The following KAT6B variants were observed in gnomAD, a reference collection of about 807,000 sequenced individuals.
KAT6B encodes histone acetyltransferase KAT6B.
In KAT6B, 10 loss-of-function variants were observed where a neutral mutation model predicts 187.5. That is an observed-to-expected ratio of 0.05 (90% CI 0.03 to 0.09). KAT6B has a LOEUF of 0.09. KAT6B is among the 10% of genes least tolerant of loss of function. The pLI is 1.00. For missense variants in KAT6B, 1,952 were observed against 2,558.9 expected (o/e 0.76, Z 5.12); for synonymous variants, 861 against 926.8 (o/e 0.93, Z 1.29).
chr10:75,001,152 C>T (rs1196355473), intron 13 of KAT6B, among the ~76,000 whole-genome samples: 1 of 152,076 alleles, frequency 6.6e-6, no homozygotes, highest in Non-Finnish European at 1.5e-5. Flanking sequence ...GATTTAGTAC[C>T]TTAGTTCCTT....
At chr10:74,910,761 T>C (rs1847145279) in intron 3 of KAT6B, among the ~76,000 whole-genome samples, 1 of 152,196 alleles carries the variant, frequency 6.6e-6, no homozygotes, top group African/African-American at 2.4e-5. Flanking sequence ...TACTGGAAAC[T>C]TGAACTTGTA....
chr10:74,860,394 G>A (rs988712654), intron 3 of KAT6B, among the ~76,000 whole-genome samples: 107 of 152,086 alleles, frequency 7.0e-4, no homozygotes, highest in Non-Finnish European at 2.2e-4. Context: ...TGCTTATTGT[G>A]TATATTAAGC....
chr10:75,010,330 G>C (rs188033919), intron 13 of KAT6B, among the ~76,000 whole-genome samples: 38 of 152,360 alleles, frequency 2.5e-4, no homozygotes, highest in Admixed American at 1.7e-3. Flanking sequence ...TGATCAGTCA[G>C]ATTAGGTGAT....
At chr10:74,920,974 C>T (rs1020207535) in intron 3 of KAT6B, among the ~76,000 whole-genome samples, 1 of 152,110 alleles carries the variant, frequency 6.6e-6, no homozygotes, top group Non-Finnish European at 1.5e-5. Flanking sequence ...TTGGCTTGCT[C>T]ATAAATCCAA....
At chr10:74,920,202 C>T (rs963216898) in intron 3 of KAT6B, among the ~76,000 whole-genome samples, 1 of 152,174 alleles carries the variant, frequency 6.6e-6, no homozygotes. Context: ...CTCCTCAAGC[C>T]AAGTTCATGA....
chr10:74,979,044 AAAC>A, intron 9 of KAT6B, among the ~76,000 whole-genome samples, 177 bp from the exon 10 acceptor site: 1 of 152,220 alleles, frequency 6.6e-6, no homozygotes, highest in Non-Finnish European at 1.5e-5. Context: ...AAAATTATAA[AAAC>A]AGTAATTACT....
intron 9 of KAT6B, among the ~76,000 whole-genome samples, chr10:74,978,385 G>A (rs1280358733): frequency 2.6e-5 from 4 of 152,122 alleles, no homozygotes; most frequent in Non-Finnish European, 4.4e-5. Flanking sequence ...ATCAGTAGTG[G>A]GATTGTGCCC....
intron 3 of KAT6B, among the ~76,000 whole-genome samples, chr10:74,912,849 T>G (rs1220983365): frequency 6.6e-6 from 1 of 152,170 alleles, no homozygotes. Flanking sequence ...TCCCTGTGAA[T>G]GTGTCATGTT....
intron 3 of KAT6B, among the ~76,000 whole-genome samples, chr10:74,910,468 A>G (rs1482603909): frequency 6.6e-6 from 1 of 152,166 alleles, no homozygotes; most frequent in Non-Finnish European, 1.5e-5. Flanking sequence ...TTTAGTGCTT[A>G]GGGACTCTGT....
chr10:74,926,551 T>A (rs1442345857), intron 3 of KAT6B, among the ~76,000 whole-genome samples: 10 of 152,266 alleles, frequency 6.6e-5, no homozygotes, highest in Non-Finnish European at 1.5e-4. Flanking sequence ...TGAATCATTT[T>A]AAATAACCTG....
At chr10:74,927,892 A>G (rs1260046192) in intron 3 of KAT6B, among the ~76,000 whole-genome samples, 1 of 152,186 alleles carries the variant, frequency 6.6e-6, no homozygotes, top group East Asian at 1.9e-4. Context: ...CTAAACTCGC[A>G]AGAGAATACT....
intron 3 of KAT6B, among the ~76,000 whole-genome samples, chr10:74,920,385 T>C (rs1848021362): frequency 6.6e-6 from 1 of 152,194 alleles, no homozygotes; most frequent in South Asian, 2.1e-4. Flanking sequence ...GATTGGTAAA[T>C]ATAACCCCAT....
intron 3 of KAT6B, among the ~76,000 whole-genome samples, chr10:74,945,614 T>C (rs1189841625): frequency 6.6e-6 from 1 of 152,080 alleles, no homozygotes; most frequent in African/African-American, 2.4e-5. Flanking sequence ...CACACCCAGC[T>C]AATTTTTGTA....
chr10:74,968,816 C>A (rs1395051675), intron 4 of KAT6B, among the ~76,000 whole-genome samples: 1 of 152,320 alleles, frequency 6.6e-6, no homozygotes, highest in South Asian at 2.1e-4. Flanking sequence ...GCTCCGCACA[C>A]CTCTTGGAGG....
chr10:74,898,048 T>G (rs886632692), intron 3 of KAT6B, among the ~76,000 whole-genome samples: 1 of 152,226 alleles, frequency 6.6e-6, no homozygotes, highest in African/African-American at 2.4e-5. Context: ...TGCTGGAATT[T>G]TTCTTTGTCA....
chr10:74,842,626 C>G lies in KAT6B; in HGVS notation c.-232C>G, dbSNP rs1841826095. On this transcript the variant is annotated 5_prime_UTR_variant, in exon 3 of 18. Transcript: ENST00000287239. ...TCTTGATTTCCCAGTTAAAGATGTT[C>G]TTCACCCGAATGCAGTCTTTCCTGT... 1 of 605,280 alleles carries G rather than the reference C, an allele frequency of 1.7e-6. No individual in the cohort carries two copies. Among genetic ancestry groups the G allele is most frequent in the Non-Finnish European group, 2.9e-6 (1 of 342,468 alleles). The allele number at this position is 605,280 out of a possible 1,614,324, so 37.5% of individuals were successfully genotyped here. A position where few individuals can be genotyped will look rare whatever the true frequency, so the allele number is the denominator to read the frequency against.
chr10:75,030,526 C>T lies in KAT6B; in HGVS notation c.5702C>T (p.Ala1901Val), dbSNP rs1432292074. The change falls in exon 18 of 18, where the codon GCT (alanine) becomes GTT (valine). Residue 1901 changes from alanine (A) to valine (V), a missense_variant. This residue lies in a region of KAT6B where 358 missense variants were observed against 436.3 expected (regional missense o/e 0.82). Coordinates refer to ENST00000287239, the MANE Select transcript of KAT6B (RefSeq NM_012330.4). The surrounding 1 kb of genome is among the most constrained non-coding windows in gnomAD (Gnocchi z 4.8). The stretch of plus-strand genomic sequence containing the variant: ...CCGCCTCTTTTGCAACGGAACATGG[C>T]TGCATCAAATATTGGCATCTCTCAC... ...LPPPLLQRNMAASNIGISHSQ... is the reference protein window; with the variant it reads ...LPPPLLQRNMVASNIGISHSQ... 6.2e-7 allele frequency: 1 copy of T among 1,608,898 alleles called. No homozygotes were observed. Among genetic ancestry groups the T allele is most frequent in the East Asian group, 2.2e-5 (1 of 44,750 alleles).
chr10:74,844,777 A>G (rs1841980950), intron 3 of KAT6B, among the ~76,000 whole-genome samples: 1 of 152,230 alleles, frequency 6.6e-6, no homozygotes, highest in Non-Finnish European at 1.5e-5. Flanking sequence ...TTACTTCCCA[A>G]ACTAAACACA....
intron 3 of KAT6B, among the ~76,000 whole-genome samples, chr10:74,906,359 C>G (rs757262543): frequency 7.2e-5 from 11 of 152,112 alleles, no homozygotes; most frequent in Non-Finnish European, 1.3e-4. Context: ...AAGATCGTGC[C>G]ACTGCACTCC....
Sources: gnomAD v4.1 joint callset for allele counts (sites outside exome capture counted in the v4.1 genomes callset) on GRCh38, gnomAD v4.1.1 for gene constraint, gnomAD v4.1.1 regional missense constraint, Gnocchi (gnomAD v3.1) non-coding constraint, MANE v1.5 for transcripts, NCBI Gene and HGNC (gene_info 2026-07-23, HGNC 2026-07-21) for gene names.